Variants in ICA1L observed in about 807,000 individuals in gnomAD.
ICA1L encodes islet cell autoantigen 1-like protein.
A neutral mutation model predicts 61.3 loss-of-function variants in ICA1L; 50 were observed. The ratio of observed to expected loss-of-function variants is 0.82; its 90% confidence interval spans 0.65 to 1.03. The LOEUF (loss-of-function observed/expected upper bound fraction) is 1.03, where lower values mean the gene tolerates loss of function less well. Among genes scored for constraint, ICA1L ranks in the 50% least tolerant of loss-of-function variants. The pLI is 0.00. For synonymous variants in ICA1L, 161 were observed against 191.3 expected (o/e 0.84, Z 1.31); for missense variants, 508 against 556.7 (o/e 0.91, Z 0.88).
chr2:202,840,986 C>T (rs773776638), intron 1 of ICA1L: 44 of 676,786 alleles, frequency 6.5e-5, no homozygotes, highest in African/African-American at 7.1e-5. Context: ...CCTCATACTG[C>T]GCCTTGACCT....
intron 1 of ICA1L, among the ~76,000 whole-genome samples, chr2:202,866,790 A>G (rs1294432873): frequency 6.6e-6 from 1 of 152,152 alleles, no homozygotes; most frequent in African/African-American, 2.4e-5. Context: ...TATTAAAAAT[A>G]CAAAAAATTA....
At chr2:202,851,360 C>T (rs1350349821) in intron 1 of ICA1L, among the ~76,000 whole-genome samples, 2 of 152,126 alleles carry the variant, frequency 1.3e-5, no homozygotes, top group Non-Finnish European at 2.9e-5. Context: ...TTTATGGCTG[C>T]ATAGTATTCC....
Position 202,778,646 on chromosome 2 carries a change from T to C in ICA1L, c.*887A>G, listed in dbSNP as rs555974270. On this transcript the variant is annotated 3_prime_UTR_variant, in exon 13 of 13. Coordinates refer to ENST00000358299, the MANE Select transcript of ICA1L (RefSeq NM_001288622.3). ...ATTTCTAGGTATTTCAGGAATACTATTGCCAGTTGCTTAGGGAATATTCTC... is the reference window on the plus strand; with the variant it reads ...ATTTCTAGGTATTTCAGGAATACTACTGCCAGTTGCTTAGGGAATATTCTC... The C allele has an allele frequency of 7.2e-5, 11 of 152,732 alleles. No individual in the cohort carries two copies. The East Asian group carries it at 2.1e-3, about 29-fold the overall frequency. The allele number at this position is 152,732 out of a possible 1,614,324, so 9.5% of individuals were successfully genotyped here. A position where few individuals can be genotyped will look rare whatever the true frequency, so the allele number is the denominator to read the frequency against.
chr2:202,774,389 C>T lies in ICA1L; in HGVS notation c.*5144G>A. The T allele has an allele frequency of 8.6e-7, 1 of 1,168,356 alleles. No homozygotes were observed. The highest frequency in any genetic ancestry group is 1.1e-6 in the Non-Finnish European group (1 of 899,126). 72.4% of individuals were successfully genotyped at this position (1,168,356 alleles called of 1,614,324 possible). On this transcript the variant is annotated 3_prime_UTR_variant, in exon 13 of 13. Transcript: ENST00000358299. The stretch of plus-strand genomic sequence containing the variant: ...GGTCTGGCAGCCGGAGACCAGGCCT[C>T]ACTGCGCCTCCAACAGCCAGGGTCG...
chr2:202,843,938 G>T (rs1694401312), intron 1 of ICA1L, among the ~76,000 whole-genome samples: 1 of 152,114 alleles, frequency 6.6e-6, no homozygotes, highest in Non-Finnish European at 1.5e-5. Flanking sequence ...TCACTTTCTT[G>T]CCAATCCCTA....
chr2:202,852,113 T>G (rs1490220595), intron 1 of ICA1L, among the ~76,000 whole-genome samples: 3 of 152,192 alleles, frequency 2.0e-5, no homozygotes, highest in South Asian at 2.1e-4. Context: ...TTGCCTAGGT[T>G]TTCTTCTAGG....
chr2:202,808,492 A>G (rs1693288322), intron 9 of ICA1L, among the ~76,000 whole-genome samples: 1 of 152,166 alleles, frequency 6.6e-6, no homozygotes, highest in Non-Finnish European at 1.5e-5. Context: ...TGGCTCCCAG[A>G]TGGCATTCTG....
At chr2:202,810,038 G>T (rs185814711) in intron 9 of ICA1L, among the ~76,000 whole-genome samples, 1 of 152,090 alleles carries the variant, frequency 6.6e-6, no homozygotes, top group African/African-American at 2.4e-5. Context: ...CTACCTCAAG[G>T]CATTTAGTAA....
intron 8 of ICA1L, 39 bp downstream of exon 8, chr2:202,814,663 A>G (rs1256291926): frequency 7.7e-7 from 1 of 1,298,638 alleles, no homozygotes; most frequent in South Asian, 1.2e-5. Flanking sequence ...GGTATCCAGG[A>G]CTTCTATAAC....
At chr2:202,789,602 C>T (rs1692686573) in intron 10 of ICA1L, among the ~76,000 whole-genome samples, 1 of 152,110 alleles carries the variant, frequency 6.6e-6, no homozygotes, top group African/African-American at 2.4e-5. Flanking sequence ...AGGAACATTA[C>T]AAACAACATG....
At chr2:202,796,702 C>G (rs2105829483) in intron 10 of ICA1L, among the ~76,000 whole-genome samples, 188 bp downstream of exon 10, 1 of 152,302 alleles carries the variant, frequency 6.6e-6, no homozygotes, top group African/African-American at 2.4e-5. Flanking sequence ...CGGATACGTT[C>G]TGATAGGACC....
chr2:202,799,637 T>C (rs543095810), intron 9 of ICA1L, among the ~76,000 whole-genome samples: 26 of 152,262 alleles, frequency 1.7e-4, no homozygotes, highest in Admixed American at 5.2e-4. Context: ...CTTTTATCTA[T>C]TTTTGGTTTT....
intron 9 of ICA1L, among the ~76,000 whole-genome samples, chr2:202,810,085 T>G (rs1693332036): frequency 6.6e-6 from 1 of 152,074 alleles, no homozygotes; most frequent in African/African-American, 2.4e-5. Context: ...GAAAAGATCC[T>G]AAAAGCAGCA....
chr2:202,798,869 A>G (rs1280849979), intron 9 of ICA1L, among the ~76,000 whole-genome samples: 1 of 152,184 alleles, frequency 6.6e-6, no homozygotes, highest in East Asian at 1.9e-4. Flanking sequence ...GTGAGAATGT[A>G]TGATATTTGT....
At chr2:202,795,051 A>AT (rs1203502698) in intron 10 of ICA1L, among the ~76,000 whole-genome samples, 29 of 149,868 alleles carry the variant, frequency 1.9e-4, no homozygotes, top group African/African-American at 6.8e-4. Flanking sequence ...CAGATACTAA[A>AT]ACTACAAGAA....
At chr2:202,860,636 C>T (rs543674336) in intron 1 of ICA1L, among the ~76,000 whole-genome samples, 1 of 152,010 alleles carries the variant, frequency 6.6e-6, no homozygotes, top group Non-Finnish European at 1.5e-5. Flanking sequence ...CCTGTAATTC[C>T]AGCTACTTGG....
chr2:202,820,623 T>C (rs1693673961), intron 4 of ICA1L, among the ~76,000 whole-genome samples: 1 of 152,164 alleles, frequency 6.6e-6, no homozygotes, highest in Non-Finnish European at 1.5e-5. Context: ...ATGGAGTTCT[T>C]AGCAGCTGAG....
chr2:202,836,816 GAT>G (rs1226453464), intron 1 of ICA1L, among the ~76,000 whole-genome samples: 2 of 144,158 alleles, frequency 1.4e-5, no homozygotes, highest in East Asian at 1.9e-4. Context: ...GATATATATA[GAT>G]ATATAGATAT....
At chr2:202,860,827 A>G (rs994019294) in intron 1 of ICA1L, among the ~76,000 whole-genome samples, 2 of 152,238 alleles carry the variant, frequency 1.3e-5, no homozygotes, top group African/African-American at 4.8e-5. Flanking sequence ...ATAAAGATAT[A>G]CTGCATAAAC....
Sources: gnomAD v4.1 joint callset for allele counts (sites outside exome capture counted in the v4.1 genomes callset) on GRCh38, gnomAD v4.1.1 for gene constraint, MANE v1.5 for transcripts, NCBI Gene and HGNC (gene_info 2026-07-23, HGNC 2026-07-21) for gene names.